ULK4: variants seen among roughly 807,000 people sequenced by gnomAD.
ULK4 encodes unc-51 like kinase 4.
Under a neutral mutation model 160.6 loss-of-function variants are expected in ULK4, and 133 were observed. That is an observed-to-expected ratio of 0.83 (90% CI 0.72 to 0.96). The LOEUF (loss-of-function observed/expected upper bound fraction) is 0.96. Among genes scored for constraint, ULK4 ranks in the 40% least tolerant of loss-of-function variants. The pLI, the probability that ULK4 is intolerant of heterozygous loss-of-function variation, is 0.00. For missense variants in ULK4, 1,580 were observed against 1,499.5 expected (o/e 1.05, Z -0.89); for synonymous variants, 534 against 539.8 (o/e 0.99, Z 0.15).
chr3:41,314,708 G>GT (rs1441322349), intron 35 of ULK4, among the ~76,000 whole-genome samples: 1 of 152,166 alleles, frequency 6.6e-6, no homozygotes, highest in East Asian at 1.9e-4. Context: ...AATATGGTCT[G>GT]AGTATACAAT....
At chr3:41,689,515 G>T (rs1015772954) in intron 27 of ULK4, among the ~76,000 whole-genome samples, 2 of 152,014 alleles carry the variant, frequency 1.3e-5, no homozygotes, top group Non-Finnish European at 2.9e-5. Flanking sequence ...CCTACAAAAT[G>T]GGAGAAAATT....
intron 35 of ULK4, among the ~76,000 whole-genome samples, chr3:41,254,467 G>A (rs923060246): frequency 1.3e-5 from 2 of 152,184 alleles, no homozygotes; most frequent in African/African-American, 4.8e-5. Flanking sequence ...GATACAACAT[G>A]TCAGCATCTG....
chr3:41,725,500 A>C (rs1245428345), intron 22 of ULK4, among the ~76,000 whole-genome samples: 1 of 152,102 alleles, frequency 6.6e-6, no homozygotes, highest in East Asian at 1.9e-4. Flanking sequence ...TGTTAGCCAA[A>C]TCCACTGACT....
chr3:41,268,588 T>C (rs1207518694), intron 35 of ULK4, among the ~76,000 whole-genome samples: 1 of 151,960 alleles, frequency 6.6e-6, no homozygotes, highest in Admixed American at 6.6e-5. Flanking sequence ...GGCAGATCAT[T>C]TGTGGTCAGG....
chr3:41,307,239 G>A (rs1575417721), intron 35 of ULK4, among the ~76,000 whole-genome samples: 2 of 151,620 alleles, frequency 1.3e-5, no homozygotes, highest in South Asian at 2.1e-4. Context: ...ACACCCATGC[G>A]GCTACTCGGC....
At chr3:41,799,081 T>C (rs1457440683) in intron 20 of ULK4, among the ~76,000 whole-genome samples, 2 of 152,034 alleles carry the variant, frequency 1.3e-5, no homozygotes, top group Non-Finnish European at 2.9e-5. Flanking sequence ...TGAGTGAGGA[T>C]ACGTGATGAA....
Position 41,925,855 on chromosome 3 carries a change from G to A in ULK4, c.541+5989C>T, listed in dbSNP as rs567796623. Among the ~76,000 whole-genome samples, 3 of 152,254 alleles carry A rather than the reference G, an allele frequency of 2.0e-5. No individual in the cohort carries two copies. In the South Asian group the frequency reaches 6.2e-4, roughly 32 times the overall value. On this transcript the variant is annotated intron_variant, in intron 5 of 36. Transcript: ENST00000301831. Reference sequence around the variant, plus strand: ...AAAAAGGCAGCAGCCCCAGTCAGGGGCTTATATATAAAACCCCCATCTCCC... The same window carrying A: ...AAAAAGGCAGCAGCCCCAGTCAGGGACTTATATATAAAACCCCCATCTCCC...
At position 41,571,493 on chromosome 3, in the gene ULK4, A is replaced by G. The variant is rs545622702; in HGVS notation, c.3121-5363T>C. On this transcript the variant is annotated intron_variant, in intron 31 of 36. Transcript: ENST00000301831. Reference sequence around the variant, plus strand: ...ATTAGCTTACGGGGGTAAACTGTGCATTGAAAAACATTACATTTGCCTCTT... The same window carrying G: ...ATTAGCTTACGGGGGTAAACTGTGCGTTGAAAAACATTACATTTGCCTCTT... 3.3e-5 allele frequency among the ~76,000 whole-genome samples: 5 copies of G among 152,346 alleles called. 1 individual carries two copies. Among genetic ancestry groups the G allele is most frequent in the African/African-American group, 1.2e-4 (5 of 41,578 alleles).
chr3:41,910,001 A>G (rs1413548694), intron 11 of ULK4, among the ~76,000 whole-genome samples: 2 of 152,054 alleles, frequency 1.3e-5, no homozygotes, highest in African/African-American at 4.8e-5. Context: ...GGTTCAAGTG[A>G]TCCTCCTGCC....
In ULK4 at chr3:41,717,738, T is replaced by C. The variant is rs2125845891; in HGVS notation, c.2445A>G (p.Pro815=). ...LLICHIVQEL[P]RILGDILNSL... is the part of the protein sequence containing the mutation. Reference sequence around the variant, plus strand: ...GAGACTCCAATTTACCCAGGATTCGTGGCAGCTCCTGCACAATGTGACAGA... The same window carrying C: ...GAGACTCCAATTTACCCAGGATTCGCGGCAGCTCCTGCACAATGTGACAGA... Residue 815 remains proline (P), a synonymous_variant, in exon 23 of 37, where the codon CCA becomes CCG. Transcript: ENST00000301831. 1 of 1,612,318 alleles carries C rather than the reference T, an allele frequency of 6.2e-7. No individual in the cohort carries two copies. The highest frequency in any genetic ancestry group is 1.7e-5 in the Admixed American group (1 of 59,978).
chr3:41,374,433 T>C (rs921306937), intron 35 of ULK4, among the ~76,000 whole-genome samples: 3 of 152,178 alleles, frequency 2.0e-5, no homozygotes, highest in African/African-American at 7.2e-5. Context: ...AAAAAGCTTA[T>C]TCACCATGAT....
rs143621818 is a variant in ULK4, at chr3:41,311,877, C to CATATATATATAT, written c.3679-62315_3679-62304dup. ...CCACTGCACCCGGCCAAACTCTCCT[C>CATATATATATAT]ATATATATATATATATATCCTATTA... On this transcript the variant is annotated intron_variant, in intron 35 of 36. Coordinates refer to ENST00000301831, the MANE Select transcript of ULK4 (RefSeq NM_017886.4). Among the ~76,000 whole-genome samples the CATATATATATAT allele has an allele frequency of 3.9e-4, 57 of 146,572 alleles. 1 individual carries two copies. Among genetic ancestry groups the CATATATATATAT allele is most frequent in the African/African-American group, 1.5e-3 (56 of 38,390 alleles).
intron 22 of ULK4, among the ~76,000 whole-genome samples, chr3:41,727,611 A>G (rs73069377): frequency 0.022 from 3,379 of 152,304 alleles, 49 homozygotes; most frequent in Non-Finnish European, 0.035. Flanking sequence ...TTGTGTAGCT[A>G]CAGCACAGTG....
chr3:41,457,984 G>T (rs2083594241), intron 33 of ULK4, among the ~76,000 whole-genome samples: 1 of 152,174 alleles, frequency 6.6e-6, no homozygotes, highest in African/African-American at 2.4e-5. Context: ...ACATGATTTG[G>T]TGACAGATTA....
Position 41,754,410 on chromosome 3 carries a change from A to G in ULK4, c.2272T>C (p.Tyr758His), listed in dbSNP as rs200312148. The G allele has an allele frequency of 7.5e-4, 1,204 of 1,613,754 alleles. 2 individuals carry two copies. The highest frequency in any genetic ancestry group is 1.8e-3 in the Middle Eastern group (11 of 6,060). ...ATCTCACGGTTATAAATCAAAATAT[A>G]TAGAAGAACCAGGAAGGCTTTTGCT... ...IRAKAFLVLL[Y>H]ILIYNREMLL... Residue 758 changes from tyrosine to histidine, a missense_variant, in exon 22 of 37, where the codon TAT (tyrosine) becomes CAT (histidine). Coordinates refer to ENST00000301831, the MANE Select transcript of ULK4 (RefSeq NM_017886.4).
intron 21 of ULK4, among the ~76,000 whole-genome samples, chr3:41,772,797 T>C (rs1182002370): frequency 6.6e-6 from 1 of 152,202 alleles, no homozygotes; most frequent in East Asian, 1.9e-4. Context: ...ATATCCCTGA[T>C]GAACACTGAT....
chr3:41,960,495 C>T (rs7639859), intron 1 of ULK4, among the ~76,000 whole-genome samples: 20,958 of 151,736 alleles, frequency 0.14, 1,577 homozygotes, highest in Middle Eastern at 0.27. Flanking sequence ...CCAGAGTAGC[C>T]ACCTCAGCCT....
At chr3:41,856,603 GTGTATATATATACACATATATATATA>G (rs2042368176) in intron 17 of ULK4, among the ~76,000 whole-genome samples, 5 of 66,028 alleles carry the variant, frequency 7.6e-5, no homozygotes, top group African/African-American at 5.3e-4. Flanking sequence ...ATATATATAT[GTGTATATATATACACATATATATATA>G]TGTATATATA....
At chr3:41,942,496 G>A (rs1490005399) in intron 2 of ULK4, among the ~76,000 whole-genome samples, 1 of 152,116 alleles carries the variant, frequency 6.6e-6, no homozygotes, top group Non-Finnish European at 1.5e-5. Context: ...TCCAGCCTGG[G>A]TGGCAGATTA....
Sources: gnomAD v4.1 joint callset for allele counts (sites outside exome capture counted in the v4.1 genomes callset) on GRCh38, gnomAD v4.1.1 for gene constraint, MANE v1.5 for transcripts, NCBI Gene and HGNC (gene_info 2026-07-23, HGNC 2026-07-21) for gene names.